CADPS2: variants seen among roughly 807,000 people sequenced by gnomAD.
The protein encoded by CADPS2 is calcium-dependent secretion activator 2.
CADPS2 carries 93 observed loss-of-function variants against 172.5 expected under a neutral mutation model. The ratio of observed to expected loss-of-function variants is 0.54; its 90% CI spans 0.46 to 0.64. CADPS2 has a LOEUF of 0.64. Among genes scored for constraint, CADPS2 ranks in the 30% least tolerant of loss-of-function variants. The pLI is 0.00. For missense variants in CADPS2, 1,420 were observed against 1,565.9 expected, an observed-to-expected ratio of 0.91 and a Z score of 1.57; for synonymous variants, 546 against 555.2, an observed-to-expected ratio of 0.98 and a Z score of 0.23.
chr7:122,871,634 T>G (rs1003036551), intron 1 of CADPS2, among the ~76,000 whole-genome samples: 3 of 152,074 alleles, frequency 2.0e-5, no homozygotes, highest in African/African-American at 7.2e-5. Context: ...AAACGTGGCT[T>G]GTGTGAAATA....
intron 22 of CADPS2, among the ~76,000 whole-genome samples, chr7:122,389,802 A>C (rs2044143200): frequency 6.6e-6 from 1 of 152,134 alleles, no homozygotes. Context: ...AAGAAAATTA[A>C]AGAAATAAAC....
At chr7:122,556,021 T>C (rs2064986727) in intron 7 of CADPS2, among the ~76,000 whole-genome samples, 1 of 152,078 alleles carries the variant, frequency 6.6e-6, no homozygotes, top group Non-Finnish European at 1.5e-5. Context: ...TTTTGAGACT[T>C]TTCTCAAGTC....
intron 11 of CADPS2, among the ~76,000 whole-genome samples, chr7:122,482,273 C>T (rs773237400): frequency 9.2e-5 from 14 of 152,106 alleles, no homozygotes; most frequent in Non-Finnish European, 1.9e-4. Flanking sequence ...TCCTCACCAA[C>T]CGCAACCCTA....
intron 8 of CADPS2, among the ~76,000 whole-genome samples, chr7:122,540,650 A>G (rs1191053024): frequency 2.0e-5 from 3 of 152,156 alleles, no homozygotes; most frequent in Non-Finnish European, 4.4e-5. Context: ...AGGTCCCACA[A>G]TTCTTCATAC....
intron 11 of CADPS2, among the ~76,000 whole-genome samples, chr7:122,484,280 C>T (rs1224378582): frequency 6.6e-6 from 1 of 152,100 alleles, no homozygotes; most frequent in Admixed American, 6.6e-5. Flanking sequence ...TACCAAGCTA[C>T]AGTAATCAAG....
intron 9 of CADPS2, among the ~76,000 whole-genome samples, chr7:122,505,375 GA>G (rs1185904135): frequency 6.6e-6 from 1 of 152,068 alleles, no homozygotes; most frequent in Non-Finnish European, 1.5e-5. Flanking sequence ...AAAAATGCTA[GA>G]GATATAAAAT....
chr7:122,698,883 G>A (rs1179412499), intron 2 of CADPS2: 3 of 1,603,010 alleles, frequency 1.9e-6, no homozygotes, highest in East Asian at 2.2e-5. Flanking sequence ...AAGAGGCAGT[G>A]TTGTTTCTCC....
At chr7:122,689,027 C>T (rs1423150763) in intron 2 of CADPS2, among the ~76,000 whole-genome samples, 1 of 152,038 alleles carries the variant, frequency 6.6e-6, no homozygotes, top group Non-Finnish European at 1.5e-5. Context: ...TGATGGAGTC[C>T]TTTTAGTGAG....
intron 27 of CADPS2, among the ~76,000 whole-genome samples, chr7:122,353,824 T>G (rs1446249228): frequency 2.0e-5 from 3 of 152,186 alleles, no homozygotes; most frequent in Non-Finnish European, 4.4e-5. Context: ...AGTTTTGTCT[T>G]ACACTGATTT....
intron 14 of CADPS2, among the ~76,000 whole-genome samples, chr7:122,461,649 T>C (rs1183003407): frequency 6.6e-6 from 1 of 152,002 alleles, no homozygotes; most frequent in Non-Finnish European, 1.5e-5. Flanking sequence ...GGCTGGAGTG[T>C]AGTGGCGCCA....
At chr7:122,797,685 C>T (rs867076618) in intron 1 of CADPS2, among the ~76,000 whole-genome samples, 2 of 148,828 alleles carry the variant, frequency 1.3e-5, no homozygotes, top group Non-Finnish European at 3.0e-5. Context: ...TGGACACAGA[C>T]GGGAACAACA....
chr7:122,747,777 C>T (rs1029406111), intron 1 of CADPS2, among the ~76,000 whole-genome samples: 3 of 152,082 alleles, frequency 2.0e-5, no homozygotes, highest in Non-Finnish European at 4.4e-5. Context: ...GTAAAAGCTC[C>T]TCTCCTCCCC....
At chr7:122,874,378 AAG>A (rs1316484527) in intron 1 of CADPS2, among the ~76,000 whole-genome samples, 3 of 152,160 alleles carry the variant, frequency 2.0e-5, no homozygotes, top group Non-Finnish European at 4.4e-5. Context: ...TCAAAGAAAT[AAG>A]AGAGGACACA....
chr7:122,514,485 T>TC (rs2060213113), intron 8 of CADPS2, among the ~76,000 whole-genome samples: 1 of 151,712 alleles, frequency 6.6e-6, no homozygotes, highest in Non-Finnish European at 1.5e-5. Flanking sequence ...TTTGCCCCCC[T>TC]CCCCCCTTTA....
chr7:122,881,991 C>A lies in CADPS2; in HGVS notation c.339+4008G>T, dbSNP rs1823043041. 3.3e-5 allele frequency among the ~76,000 whole-genome samples: 5 copies of A among 152,020 alleles called. No individual in the cohort carries two copies. In the South Asian group the frequency reaches 8.3e-4, roughly 25 times the overall value. The stretch of plus-strand genomic sequence containing the variant: ...AGACTTACATGTACACAGCAGACAC[C>A]AAAGTAGTCAGAAGATGAAAACAAA... On this transcript the variant is annotated intron_variant, in intron 1 of 29. Transcript: ENST00000449022.
chr7:122,665,849 T>A (rs1161205382), intron 2 of CADPS2, among the ~76,000 whole-genome samples: 1 of 152,222 alleles, frequency 6.6e-6, no homozygotes, highest in Non-Finnish European at 1.5e-5. Context: ...TATTGGAAAG[T>A]CTCCCTGTCT....
intron 14 of CADPS2, among the ~76,000 whole-genome samples, chr7:122,465,696 G>T (rs1393145539): frequency 6.6e-6 from 1 of 152,012 alleles, no homozygotes; most frequent in Non-Finnish European, 1.5e-5. Flanking sequence ...GAAACCGGTC[G>T]CTGGTGCCAA....
At chr7:122,341,356 G>C (rs1044863056) in intron 28 of CADPS2, among the ~76,000 whole-genome samples, 2 of 151,908 alleles carry the variant, frequency 1.3e-5, no homozygotes, top group Admixed American at 1.3e-4. Context: ...CAGTAATTTC[G>C]GTCATCATTG....
At chr7:122,720,388 T>C (rs2090215134) in intron 2 of CADPS2, among the ~76,000 whole-genome samples, 2 of 151,488 alleles carry the variant, frequency 1.3e-5, no homozygotes, top group African/African-American at 2.4e-5. Flanking sequence ...TCAGGTACTG[T>C]GAAAGCATAA....
Sources: allele counts gnomAD v4.1 joint callset (sites outside exome capture counted in the v4.1 genomes callset), GRCh38; gene constraint gnomAD v4.1.1; transcripts MANE v1.5; gene names NCBI Gene and HGNC (gene_info 2026-07-23, HGNC 2026-07-21).